SEMA6A: variants seen among roughly 807,000 people sequenced by gnomAD.
SEMA6A encodes semaphorin-6A.
SEMA6A carries 25 observed loss-of-function variants against 96.8 expected under a neutral mutation model. That is an observed-to-expected ratio of 0.26 (90% CI 0.19 to 0.36). The LOEUF is 0.36. SEMA6A is among the 10% of genes least tolerant of loss of function. The probability of loss-of-function intolerance (pLI) is 1.00; values close to 1 mark genes in which losing one functional copy is unlikely to be tolerated. For missense variants in SEMA6A, 1,363 were observed against 1,323.1 expected, an observed-to-expected ratio of 1.03 and a Z score of -0.47; for synonymous variants, 612 against 518.0, an observed-to-expected ratio of 1.18 and a Z score of -2.46.
At position 116,477,837 on chromosome 5, in the gene SEMA6A, G is replaced by A. The variant is rs1756536317; in HGVS notation, c.1649+9C>T. ...CACTTCACCCTCTCCCACACCTCAGGCTGCCTACCTGCTGTTGGGTGATAA... is the reference window on the plus strand; with the variant it reads ...CACTTCACCCTCTCCCACACCTCAGACTGCCTACCTGCTGTTGGGTGATAA... On this transcript the variant is annotated intron_variant, in intron 15 of 18. Coordinates refer to ENST00000343348, the MANE Select transcript of SEMA6A (RefSeq NM_020796.5). 6.2e-7 allele frequency: 1 copy of A among 1,613,348 alleles called. No homozygotes were observed. Among genetic ancestry groups the A allele is most frequent in the Non-Finnish European group, 8.5e-7 (1 of 1,179,772 alleles).
intron 1 of SEMA6A, among the ~76,000 whole-genome samples, chr5:116,570,852 T>A (rs1761182123): frequency 6.6e-6 from 1 of 152,254 alleles, no homozygotes; most frequent in Non-Finnish European, 1.5e-5. Context: ...TTGAATTTAA[T>A]ACAAGTTCTT....
intron 18 of SEMA6A, among the ~76,000 whole-genome samples, chr5:116,454,382 T>G (rs961639531): frequency 4.6e-5 from 7 of 152,122 alleles, no homozygotes; most frequent in Non-Finnish European, 8.8e-5. Flanking sequence ...CATAACAACT[T>G]GAGTGAATGG....
chr5:116,491,981 G>A (rs903045818), intron 6 of SEMA6A, among the ~76,000 whole-genome samples, 151 bp from the exon 7 acceptor site: 1 of 152,134 alleles, frequency 6.6e-6, no homozygotes. Flanking sequence ...CTGTAGTTGA[G>A]AATCACATAA....
At chr5:116,530,589 T>C (rs988784924) in intron 1 of SEMA6A, among the ~76,000 whole-genome samples, 8 of 152,152 alleles carry the variant, frequency 5.3e-5, no homozygotes, top group African/African-American at 1.9e-4. Flanking sequence ...AAAAAATATT[T>C]TAGAAGCTTA....
chr5:116,487,069 CT>C lies in SEMA6A; in HGVS notation c.745-104del. 9.7e-6 allele frequency: 7 copies of C among 720,512 alleles called. No individual in the cohort carries two copies. In the South Asian group the frequency reaches 1.3e-4, roughly 13 times the overall value. 44.6% of individuals were successfully genotyped at this position (720,512 alleles called of 1,614,324 possible). A position where few individuals can be genotyped will look rare whatever the true frequency, so the allele number is the denominator to read the frequency against. On this transcript the variant is annotated intron_variant, in intron 9 of 18. Transcript: ENST00000343348. ...AAAACAGAAACAAAACAACAAGGTG[CT>C]TAATACTGTTTCTAAAATCAGTAAC... is the stretch of plus-strand genomic sequence containing the variant.
intron 16 of SEMA6A, among the ~76,000 whole-genome samples, chr5:116,474,925 C>T (rs1756373374): frequency 1.3e-5 from 2 of 152,094 alleles, no homozygotes; most frequent in South Asian, 4.2e-4. Flanking sequence ...AAATTTGAGC[C>T]AGATCCTTTA....
intron 1 of SEMA6A, among the ~76,000 whole-genome samples, chr5:116,518,082 A>G (rs948467073): frequency 2.0e-5 from 3 of 152,212 alleles, no homozygotes; most frequent in Non-Finnish European, 4.4e-5. Flanking sequence ...TTGATGAATA[A>G]CCCCAGAAGT....
In SEMA6A at chr5:116,447,773, G is replaced by C; in HGVS notation, c.1933C>G (p.Leu645Val). ...ATGGCCAAGAGGGTGACGGGAACCAGCTGGTCGTGGCCTTTGAGGTAACTT... is the reference window on the plus strand; with the variant it reads ...ATGGCCAAGAGGGTGACGGGAACCACCTGGTCGTGGCCTTTGAGGTAACTT... Reference protein sequence around the residue: ...RESYLKGHDQLVPVTLLAIAV... With the variant: ...RESYLKGHDQVVPVTLLAIAV... Residue 645 changes from leucine to valine, a missense_variant, in exon 19 of 19, where the codon CTG becomes GTG. This residue lies in a region of SEMA6A where 883 missense variants were observed against 763.6 expected (regional missense o/e 1.16). Transcript: ENST00000343348. 6.2e-7 allele frequency: 1 copy of C among 1,608,844 alleles called. No individual in the cohort carries two copies. Among genetic ancestry groups the C allele is most frequent in the Non-Finnish European group, 8.5e-7 (1 of 1,175,814 alleles).
chr5:116,502,602 G>A (rs148266050), intron 2 of SEMA6A: 65 of 365,966 alleles, frequency 1.8e-4, no homozygotes, highest in African/African-American at 1.3e-3. Context: ...CTTTCTCAGG[G>A]CTCAACTCGC....
At chr5:116,513,972 A>T (rs2112798245) in intron 1 of SEMA6A, among the ~76,000 whole-genome samples, 1 of 152,212 alleles carries the variant, frequency 6.6e-6, no homozygotes, top group East Asian at 1.9e-4. Context: ...GTTTCTTTTA[A>T]TGGCTGCATA....
Position 116,469,748 on chromosome 5 carries a change from TAAGGG to T in SEMA6A, c.1730-2006_1730-2002del, listed in dbSNP as rs569991808. On this transcript the variant is annotated intron_variant, in intron 17 of 18. Transcript: ENST00000343348. Reference sequence around the variant, plus strand: ...CGGTAATCTAGGGGAAATATATGCCTAAGGGACACATTCTCTGTAGAAAGATTTCC... The same window carrying T: ...CGGTAATCTAGGGGAAATATATGCCTACACATTCTCTGTAGAAAGATTTCC... 4.4e-3 allele frequency among the ~76,000 whole-genome samples: 666 copies of T among 152,320 alleles called. 8 individuals are homozygous for T. Among genetic ancestry groups the T allele is most frequent in the African/African-American group, 0.015 (611 of 41,560 alleles).
intron 18 of SEMA6A, among the ~76,000 whole-genome samples, chr5:116,459,264 T>G (rs1248399313): frequency 6.6e-6 from 1 of 152,144 alleles, no homozygotes; most frequent in Non-Finnish European, 1.5e-5. Flanking sequence ...GATCCAAAAT[T>G]GATGCAAAAT....
At chr5:116,512,023 AG>A in intron 1 of SEMA6A, among the ~76,000 whole-genome samples, 1 of 152,238 alleles carries the variant, frequency 6.6e-6, no homozygotes, top group African/African-American at 2.4e-5. Flanking sequence ...TGCTTCACAG[AG>A]GCTGGAACTG....
intron 1 of SEMA6A, among the ~76,000 whole-genome samples, chr5:116,509,342 G>A (rs1758295255): frequency 6.6e-6 from 1 of 152,132 alleles, no homozygotes; most frequent in Non-Finnish European, 1.5e-5. Context: ...TTACTACCAT[G>A]TTTCAGTAAT....
At chr5:116,470,413 A>C (rs1469211829) in intron 17 of SEMA6A, among the ~76,000 whole-genome samples, 1 of 152,196 alleles carries the variant, frequency 6.6e-6, no homozygotes, top group Non-Finnish European at 1.5e-5. Context: ...TAATCAATGG[A>C]GCTTATGCTT....
intron 18 of SEMA6A, among the ~76,000 whole-genome samples, chr5:116,448,926 G>T (rs1754453198): frequency 6.6e-6 from 1 of 152,126 alleles, no homozygotes; most frequent in Non-Finnish European, 1.5e-5. Flanking sequence ...AGAGTTTGCT[G>T]TCACAGTGGG....
At chr5:116,482,628 G>A in intron 10 of SEMA6A, 53 bp from the exon 11 acceptor site, 1 of 1,591,136 alleles carries the variant, frequency 6.3e-7, no homozygotes. Flanking sequence ...TTATGCATGT[G>A]GTTTGGAACA....
At chr5:116,457,913 A>C (rs1353996247) in intron 18 of SEMA6A, among the ~76,000 whole-genome samples, 1 of 152,144 alleles carries the variant, frequency 6.6e-6, no homozygotes, top group Non-Finnish European at 1.5e-5. Flanking sequence ...TCTTTCCAGG[A>C]TAATGGCATG....
chr5:116,491,128 T>C (rs769337634), intron 7 of SEMA6A, among the ~76,000 whole-genome samples: 19 of 152,268 alleles, frequency 1.2e-4, no homozygotes, highest in Non-Finnish European at 1.9e-4. Context: ...AGAAGATGTT[T>C]GTTGGAAGCT....
Sources: allele counts gnomAD v4.1 joint callset (sites outside exome capture counted in the v4.1 genomes callset), GRCh38; gene constraint gnomAD v4.1.1; regional missense constraint gnomAD v4.1.1; transcripts MANE v1.5; gene names NCBI Gene and HGNC (gene_info 2026-07-23, HGNC 2026-07-21).